Variants in ESPL1 observed in about 807,000 individuals in gnomAD.
ESPL1 encodes the protein extra spindle pole bodies like 1, separase.
A neutral mutation model predicts 217.2 loss-of-function variants in ESPL1; 50 were observed. The ratio of observed to expected loss-of-function variants is 0.23; its 90% CI spans 0.18 to 0.29. ESPL1 has a LOEUF of 0.29. Among genes scored for constraint, ESPL1 ranks in the 10% least tolerant of loss-of-function variants. The probability of loss-of-function intolerance (pLI) is 1.00; values close to 1 mark genes in which losing one functional copy is unlikely to be tolerated. For missense variants in ESPL1, 1,834 were observed against 2,603.0 expected (o/e 0.70, Z 6.43); for synonymous variants, 994 against 1,081.3 (o/e 0.92, Z 1.58).
At chr12:53,272,919 G>A (rs1253531239) in intron 6 of ESPL1, 62 bp downstream of exon 6, 6 of 1,582,410 alleles carry the variant, frequency 3.8e-6, no homozygotes, top group East Asian at 2.2e-5. Flanking sequence ...GGGGAGCGGG[G>A]AAGGGCCTCA....
At position 53,286,157 on chromosome 12, in the gene ESPL1, T is replaced by G; in HGVS notation, c.3421T>G (p.Ser1141Ala). The G allele has an allele frequency of 1.2e-6, 2 of 1,614,240 alleles. No individual in the cohort carries two copies. Among genetic ancestry groups the G allele is most frequent in the Non-Finnish European group, 1.7e-6 (2 of 1,180,044 alleles). Residue 1141 changes from serine (S) to alanine (A), a missense_variant, in exon 18 of 31, where the codon TCC (serine) becomes GCC (alanine). Around this residue, in one of 5 missense-constraint regions of ESPL1, gnomAD observed 681 missense variants for 808.0 expected, o/e 0.84. Transcript: ENST00000257934. The surrounding 1 kb of genome is among the most constrained non-coding windows in gnomAD (Gnocchi z 5.3). ...TKPQPIPNFL[S>A]HSPTCDCSLC... Reference sequence around the variant, plus strand: ...GCCCCAGCCCATACCCAACTTCCTGTCCCATTCACCCACCTGTGACTGCTC... The same window carrying G: ...GCCCCAGCCCATACCCAACTTCCTGGCCCATTCACCCACCTGTGACTGCTC...
rs1231833917 is a variant in ESPL1 at position 53,286,882 on chromosome 12, G to T, written c.4146G>T (p.Arg1382Ser). ...AGCCTGAAGTACCCCAGGCCCCCAGGGTACAACAGAGAGTCCAGACGCGCC... is the reference window on the plus strand; with the variant it reads ...AGCCTGAAGTACCCCAGGCCCCCAGTGTACAACAGAGAGTCCAGACGCGCC... ...ESKPEVPQAP[R>S]VQQRVQTRLK... Residue 1382 changes from arginine (R) to serine (S), a missense_variant, in exon 18 of 31, where the codon AGG becomes AGT. Arg to Ser is a moderately radical substitution (Grantham distance 110). Transcript: ENST00000257934. The surrounding 1 kb of genome is among the most constrained non-coding windows in gnomAD (Gnocchi z 5.3). 4 of 1,608,764 alleles carry T rather than the reference G, an allele frequency of 2.5e-6. No homozygotes were observed. Among genetic ancestry groups the T allele is most frequent in the Non-Finnish European group, 2.5e-6 (3 of 1,177,936 alleles).
chr12:53,293,462 C>T lies in ESPL1; in HGVS notation c.6351C>T (p.Val2117=). The change falls in exon 31 of 31, where the codon GTC becomes GTT. Residue 2117 remains valine (V), a synonymous_variant. Transcript: ENST00000257934. This position sits in a 1 kb window ranked among gnomAD's most constrained non-coding sequence, Gnocchi z 4.2. The part of the protein sequence containing the change: ...GAAPIAYGLP[V]SLR ...CACCTATAGCCTATGGCTTGCCTGT[C>T]TCTCTGCGGTAACCCCATGGAGCTG... The T allele has an allele frequency of 1.2e-6, 2 of 1,613,738 alleles. No individual in the cohort carries two copies. Among genetic ancestry groups the T allele is most frequent in the East Asian group, 2.2e-5 (1 of 44,872 alleles).
rs201817393 is a variant in ESPL1, at chr12:53,281,628, T to C, written c.2619+2T>C. On this transcript the variant is annotated splice_donor_variant, in intron 13 of 30. Coordinates refer to ENST00000257934, the MANE Select transcript of ESPL1 (RefSeq NM_012291.5). LOFTEE classifies it high-confidence loss of function. ...CAACTCTACTGGACTCACCAGAAGG[T>C]ATTTCTCACTTTCTTAAACTCCGAA... 893 of 1,611,208 alleles carry C rather than the reference T, an allele frequency of 5.5e-4. 1 individual carries two copies. The highest frequency in any genetic ancestry group is 7.0e-4 in the Non-Finnish European group (826 of 1,178,936).
chr12:53,268,593 G>T (rs1338017316), intron 1 of ESPL1, among the ~76,000 whole-genome samples, 162 bp from the exon 2 acceptor site: 1 of 152,164 alleles, frequency 6.6e-6, no homozygotes, highest in East Asian at 1.9e-4. Flanking sequence ...AGGAAGAGCG[G>T]AATCGTCCTT....
chr12:53,291,122 G>A (rs552010552), intron 25 of ESPL1, 126 bp downstream of exon 25: 3 of 720,536 alleles, frequency 4.2e-6, no homozygotes, highest in East Asian at 3.1e-5. Flanking sequence ...GGCCAACATG[G>A]TGAAACCCTG....
chr12:53,280,328 T>A (rs1462701315), intron 12 of ESPL1, among the ~76,000 whole-genome samples: 1 of 152,166 alleles, frequency 6.6e-6, no homozygotes, highest in Non-Finnish European at 1.5e-5. Context: ...GGCTGCAGTG[T>A]TTACCCCTGG....
At position 53,270,539 on chromosome 12, in the gene ESPL1, ACTGCCCTCAAACAGCTTTG is replaced by A. The variant is rs1943650856; in HGVS notation, c.1248+58_1248+76del. 22 of 317,746 alleles carry A rather than the reference ACTGCCCTCAAACAGCTTTG, an allele frequency of 6.9e-5. No individual in the cohort carries two copies. The Admixed American group carries it at 4.8e-3, about 69-fold the overall frequency. 19.7% of individuals were successfully genotyped at this position (317,746 alleles called of 1,614,324 possible). ...GGCTCATAGGGTTTGGGGTTGCTCC[ACTGCCCTCAAACAGCTTTG>A]GGGTTGCTCCACTGCCCTCAAACAG... On this transcript the variant is annotated intron_variant, in intron 4 of 30. Coordinates refer to ENST00000257934, the MANE Select transcript of ESPL1 (RefSeq NM_012291.5).
chr12:53,277,107 A>G lies in ESPL1; in HGVS notation c.1965A>G (p.Glu655=). The G allele has an allele frequency of 6.2e-7, 1 of 1,614,062 alleles. No individual in the cohort carries two copies. Among genetic ancestry groups the G allele is most frequent in the Non-Finnish European group, 8.5e-7 (1 of 1,179,908 alleles). The change falls in exon 9 of 31, where the codon GAA becomes GAG. Residue 655 remains glutamate (E), a synonymous_variant. Transcript: ENST00000257934. ...TNCSALDAIR[E]ALQLLDSVRP... Reference sequence around the variant, plus strand: ...GCTCTGCTCTGGATGCTATCCGGGAAGCCCTGCAGCTTCTGGACTCTGTGA... The same window carrying G: ...GCTCTGCTCTGGATGCTATCCGGGAGGCCCTGCAGCTTCTGGACTCTGTGA...
At chr12:53,288,857 A>T in intron 20 of ESPL1, 158 bp downstream of exon 20, 1 of 740,502 alleles carries the variant, frequency 1.4e-6, no homozygotes. Flanking sequence ...TGTGCAGGTC[A>T]CTTAACCTCT....
At chr12:53,291,910 C>T in intron 26 of ESPL1, 50 bp downstream of exon 26, 2 of 1,590,912 alleles carry the variant, frequency 1.3e-6, no homozygotes, top group South Asian at 2.3e-5. Flanking sequence ...TGAATACCAA[C>T]TCATCCCCAT....
intron 5 of ESPL1, 52 bp downstream of exon 5, chr12:53,270,850 T>C (rs1943657426): frequency 1.2e-6 from 2 of 1,605,690 alleles, no homozygotes; most frequent in South Asian, 2.2e-5. Flanking sequence ...CATCACCCAT[T>C]AGGCAGGTGA....
At chr12:53,273,134 G>T (rs966293065) in intron 6 of ESPL1, among the ~76,000 whole-genome samples, 1 of 151,294 alleles carries the variant, frequency 6.6e-6, no homozygotes, top group Non-Finnish European at 1.5e-5. Flanking sequence ...CTCAGCAAAG[G>T]TTCAAGCAAT....
At chr12:53,277,048 A>G (rs756299110) in intron 8 of ESPL1, 35 bp from the exon 9 acceptor site, 1 of 1,602,916 alleles carries the variant, frequency 6.2e-7, no homozygotes, top group East Asian at 2.2e-5. Flanking sequence ...AGATACTCAT[A>G]GTAGGCCCAG....
intron 7 of ESPL1, among the ~76,000 whole-genome samples, chr12:53,275,659 T>C (rs1943754842): frequency 6.6e-6 from 1 of 152,162 alleles, no homozygotes; most frequent in Non-Finnish European, 1.5e-5. Context: ...GGTCTTGCTT[T>C]CATGGAGCTT....
chr12:53,281,237 A>G (rs1033310422), intron 12 of ESPL1, among the ~76,000 whole-genome samples: 4 of 148,908 alleles, frequency 2.7e-5, no homozygotes, highest in African/African-American at 9.9e-5. Context: ...TCTCGGGTTC[A>G]AGTGATTCTC....
At position 53,292,245 on chromosome 12, in the gene ESPL1, C is replaced by A; in HGVS notation, c.5797-33C>A. 6.5e-7 allele frequency: 1 copy of A among 1,543,880 alleles called. No homozygotes were observed. Among genetic ancestry groups the A allele is most frequent in the Non-Finnish European group, 9.0e-7 (1 of 1,116,162 alleles). ...TTAGAGCTTGGGCCTCTTGGTGAGACAAGCATCCTAATCGCCAGTGTCTCC... is the reference window on the plus strand; with the variant it reads ...TTAGAGCTTGGGCCTCTTGGTGAGAAAAGCATCCTAATCGCCAGTGTCTCC... On this transcript the variant is annotated intron_variant, in intron 27 of 30. Coordinates refer to ENST00000257934, the MANE Select transcript of ESPL1 (RefSeq NM_012291.5). The surrounding 1 kb of genome is among the most constrained non-coding windows in gnomAD (Gnocchi z 4.5).
At chr12:53,283,732 G>A (rs970585446) in intron 16 of ESPL1, among the ~76,000 whole-genome samples, 194 bp downstream of exon 16, 1 of 152,174 alleles carries the variant, frequency 6.6e-6, no homozygotes, top group Non-Finnish European at 1.5e-5. Context: ...TAGGACTCTC[G>A]TGTCCTTCAG....
Position 53,282,527 on chromosome 12 carries a change from A to C in ESPL1, c.2791+92A>C. The C allele has an allele frequency of 8.2e-7, 1 of 1,222,630 alleles. No individual in the cohort carries two copies. The highest frequency in any genetic ancestry group is 1.2e-6 in the Non-Finnish European group (1 of 857,166). 75.7% of individuals were successfully genotyped at this position (1,222,630 alleles called of 1,614,324 possible). On this transcript the variant is annotated intron_variant, in intron 14 of 30. Transcript: ENST00000257934. This position sits in a 1 kb window ranked among gnomAD's most constrained non-coding sequence, Gnocchi z 4.0. ...CAAACCTCATCCCCTCTGCTGGCTA[A>C]CTATGTGGCCCAGCCTACCTAGAAC...
Sources: allele counts gnomAD v4.1 joint callset (sites outside exome capture counted in the v4.1 genomes callset), GRCh38; gene constraint gnomAD v4.1.1; regional missense constraint gnomAD v4.1.1; non-coding constraint Gnocchi (gnomAD v3.1); transcripts MANE v1.5; gene names NCBI Gene and HGNC (gene_info 2026-07-23, HGNC 2026-07-21).